GAS6: variants seen among roughly 807,000 people sequenced by gnomAD.
GAS6 encodes the protein growth arrest specific 6.
Under a neutral mutation model 75.8 loss-of-function variants are expected in GAS6, and 41 were observed. The observed-to-expected ratio is 0.54, with a 90% CI of 0.42 to 0.70. The LOEUF is 0.70. Among genes scored for constraint, GAS6 ranks in the 30% least tolerant of loss-of-function variants. The pLI is 0.00. For missense variants in GAS6, 854 were observed against 940.2 expected (o/e 0.91, Z 1.20); for synonymous variants, 432 against 412.6 (o/e 1.05, Z -0.57).
At chr13:113,835,666 G>A (rs757143204) in intron 6 of GAS6, 31 bp from the exon 7 acceptor site, 3 of 1,606,476 alleles carry the variant, frequency 1.9e-6, no homozygotes, top group Non-Finnish European at 2.5e-6. Context: ...GCCAACCGCA[G>A]CACAGCGGCA....
In GAS6 at chr13:113,835,723, C is replaced by T. The variant is rs546839287; in HGVS notation, c.590-88G>A. ...GCGGCTGCAGGGACTGGCCAGGGCA[C>T]CACCCAGAGGTCGCATCCAGACTCT... On this transcript the variant is annotated intron_variant, in intron 6 of 14. Coordinates refer to ENST00000327773, the MANE Select transcript of GAS6 (RefSeq NM_000820.4). The T allele has an allele frequency of 5.0e-5, 78 of 1,544,784 alleles. No individual in the cohort carries two copies. In the African/African-American group the frequency reaches 7.9e-4, roughly 16 times the overall value.
At chr13:113,827,241 G>T in intron 11 of GAS6, 77 bp from the exon 12 acceptor site, 1 of 1,449,460 alleles carries the variant, frequency 6.9e-7, no homozygotes, top group Non-Finnish European at 9.5e-7. Context: ...GGTGGGTGGC[G>T]CCTTCGCGGC....
chr13:113,827,935 C>A (rs1484711208), intron 11 of GAS6, among the ~76,000 whole-genome samples: 2 of 152,128 alleles, frequency 1.3e-5, no homozygotes, highest in Non-Finnish European at 2.9e-5. Context: ...AGTTACAAAA[C>A]CCAAAATGTT....
intron 10 of GAS6, among the ~76,000 whole-genome samples, chr13:113,829,454 T>TCCCAAC (rs2051601030): frequency 3.8e-5 from 4 of 105,040 alleles, no homozygotes; most frequent in African/African-American, 7.6e-5. Context: ...GCCAAGAGGG[T>TCCCAAC]CTCAATCTCA....
At chr13:113,829,933 C>T (rs576649883) in intron 10 of GAS6, among the ~76,000 whole-genome samples, 53 of 151,286 alleles carry the variant, frequency 3.5e-4, no homozygotes, top group Admixed American at 1.7e-3. Flanking sequence ...AGGGAGACCA[C>T]CTGATCCTCA....
chr13:113,839,974 G>C, intron 4 of GAS6, 124 bp from the exon 5 acceptor site: 1 of 1,413,392 alleles, frequency 7.1e-7, no homozygotes, highest in Non-Finnish European at 9.8e-7. Context: ...AGGGGCGCAG[G>C]CTGAGGCAGC....
At chr13:113,821,488 G>T (rs144794391) in intron 14 of GAS6, 8 of 225,860 alleles carry the variant, frequency 3.5e-5, no homozygotes, top group Non-Finnish European at 6.2e-5. Context: ...CCCAGCTCAT[G>T]GCAAGGACAT....
Position 113,829,901 on chromosome 13 carries a change from G to A in GAS6, c.1144-1190C>T, listed in dbSNP as rs147921275. ...CAGGGAGACCCCCTGATCCACACCTGAGCCAAGAAGGTCCCAATCTCAGGG... is the reference window on the plus strand; with the variant it reads ...CAGGGAGACCCCCTGATCCACACCTAAGCCAAGAAGGTCCCAATCTCAGGG... On this transcript the variant is annotated intron_variant, in intron 10 of 14. Coordinates refer to ENST00000327773, the MANE Select transcript of GAS6 (RefSeq NM_000820.4). Among the ~76,000 whole-genome samples the A allele has an allele frequency of 2.1e-3, 324 of 151,424 alleles. 1 individual carries two copies. Among genetic ancestry groups the A allele is most frequent in the African/African-American group, 7.4e-3 (305 of 41,238 alleles).
At chr13:113,834,298 G>C (rs1016864435) in intron 8 of GAS6, among the ~76,000 whole-genome samples, 4 of 152,182 alleles carry the variant, frequency 2.6e-5, no homozygotes, top group African/African-American at 7.2e-5. Flanking sequence ...CCGTGCCCCC[G>C]TGAGTGTCAC....
chr13:113,830,637 A>T lies in GAS6; in HGVS notation c.1143+1662T>A, dbSNP rs9577866. On this transcript the variant is annotated intron_variant, in intron 10 of 14. Coordinates refer to ENST00000327773, the MANE Select transcript of GAS6 (RefSeq NM_000820.4). ...CACCTGCCCCGGGCCCCTCCTCCCC[A>T]TGGCTCCATCCCCTGCAACACCGCT... is the stretch of plus-strand genomic sequence containing the variant. 8.1e-4 allele frequency among the ~76,000 whole-genome samples: 19 copies of T among 23,404 alleles called. No homozygotes were observed. The East Asian group carries it at 0.017, about 21-fold the overall frequency. The allele number at this position is 23,404 out of a possible 152,430, so 15.4% of individuals were successfully genotyped here. A position where few individuals can be genotyped will look rare whatever the true frequency, so the allele number is the denominator to read the frequency against.
chr13:113,828,782 C>T, intron 10 of GAS6, 71 bp from the exon 11 acceptor site: 1 of 1,525,722 alleles, frequency 6.6e-7, no homozygotes. Flanking sequence ...TGAGAAAAAC[C>T]ACACTCATCC....
At chr13:113,840,129 G>A (rs530619803) in intron 4 of GAS6, 38 of 440,886 alleles carry the variant, frequency 8.6e-5, no homozygotes, top group African/African-American at 7.8e-4. Context: ...GAGGGCAAAG[G>A]AGCAGGAACT....
In GAS6 at chr13:113,864,070, T is replaced by A; in HGVS notation, c.-150A>T. The A allele has an allele frequency of 1.2e-6, 1 of 824,390 alleles. No individual in the cohort carries two copies. The highest frequency in any genetic ancestry group is 1.9e-5 in the African/African-American group (1 of 53,540). 51.1% of individuals were successfully genotyped at this position (824,390 alleles called of 1,614,324 possible). A position where few individuals can be genotyped will look rare whatever the true frequency, so the allele number is the denominator to read the frequency against. On this transcript the variant is annotated 5_prime_UTR_variant, in exon 1 of 15. Transcript: ENST00000327773. The stretch of plus-strand genomic sequence containing the variant: ...GCGGCGGCTGCGGCACCTCAAGCGC[T>A]CGGTCTGGGCGTGTTCGGGCGGCTG...
chr13:113,833,416 C>T (rs183097499), intron 8 of GAS6: 46 of 993,162 alleles, frequency 4.6e-5, no homozygotes, highest in East Asian at 2.2e-4. Flanking sequence ...TCTGCGACTC[C>T]GAGAAGCTGT....
chr13:113,840,107 G>A, intron 4 of GAS6: 1 of 497,434 alleles, frequency 2.0e-6, no homozygotes, highest in Non-Finnish European at 3.5e-6. Flanking sequence ...TGGACGCAAG[G>A]TGGGAAGGGC....
At chr13:113,852,626 A>C (rs2138660832) in intron 2 of GAS6, among the ~76,000 whole-genome samples, 1 of 152,302 alleles carries the variant, frequency 6.6e-6, no homozygotes, top group Non-Finnish European at 1.5e-5. Context: ...GGCAGAATCC[A>C]TGGGAATTGG....
chr13:113,832,631 C>T lies in GAS6; in HGVS notation c.953+3G>A, dbSNP rs371350136. The T allele has an allele frequency of 8.1e-6, 13 of 1,612,630 alleles. No homozygotes were observed. The African/African-American group carries it at 1.5e-4, about 18-fold the overall frequency. ...GTGTTGCCTCCTGTGGACACCTCCTCACCTGGTGGGCTGCAGCCTCTTGAA... is the reference window on the plus strand; with the variant it reads ...GTGTTGCCTCCTGTGGACACCTCCTTACCTGGTGGGCTGCAGCCTCTTGAA... On this transcript the variant is annotated splice_donor_region_variant and intron_variant, in intron 9 of 14. Transcript: ENST00000327773.
chr13:113,860,029 G>A (rs2051958017), intron 2 of GAS6, among the ~76,000 whole-genome samples: 1 of 152,226 alleles, frequency 6.6e-6, no homozygotes. Flanking sequence ...AAGGTGCTTG[G>A]AGGGCACATG....
rs1420593727 is a variant in GAS6, at chr13:113,835,403, T to G, written c.712+110A>C. On this transcript the variant is annotated intron_variant, in intron 7 of 14. Coordinates refer to ENST00000327773, the MANE Select transcript of GAS6 (RefSeq NM_000820.4). ...TGATAGAAACAGGGAGAAAGAGACTTTCTTTCACCAGAAGCACCCGGTTGT... is the reference window on the plus strand; with the variant it reads ...TGATAGAAACAGGGAGAAAGAGACTGTCTTTCACCAGAAGCACCCGGTTGT... The G allele has an allele frequency of 2.3e-6, 3 of 1,293,722 alleles. No individual in the cohort carries two copies. In the African/African-American group the frequency reaches 4.4e-5, roughly 19 times the overall value. The allele number at this position is 1,293,722 out of a possible 1,614,324, so 80.1% of individuals were successfully genotyped here. A position where few individuals can be genotyped will look rare whatever the true frequency, so the allele number is the denominator to read the frequency against.
Sources: gnomAD v4.1 joint callset for allele counts (sites outside exome capture counted in the v4.1 genomes callset) on GRCh38, gnomAD v4.1.1 for gene constraint, MANE v1.5 for transcripts, NCBI Gene and HGNC (gene_info 2026-07-23, HGNC 2026-07-21) for gene names.